The following SLC4A4 variants were observed in gnomAD, a reference collection of about 807,000 sequenced individuals.
SLC4A4 encodes electrogenic sodium bicarbonate cotransporter 1.
In SLC4A4, 27 loss-of-function variants were observed where a neutral mutation model predicts 111.5. That is an observed-to-expected ratio of 0.24 (90% confidence interval 0.18 to 0.33). SLC4A4 has a LOEUF of 0.33. Ranked by LOEUF, SLC4A4 falls within the 10% of genes least tolerant of loss-of-function variation. The pLI, the probability that SLC4A4 is intolerant of heterozygous loss-of-function variation, is 1.00. For synonymous variants in SLC4A4, 443 were observed against 463.4 expected, an observed-to-expected ratio of 0.96 and a Z score of 0.57; for missense variants, 909 against 1,315.5, an observed-to-expected ratio of 0.69 and a Z score of 4.78.
In SLC4A4 at chr4:71,089,746, G is replaced by A. The variant is rs187428186; in HGVS notation, c.-64-2984G>A. On this transcript the variant is annotated intron_variant, in intron 1 of 26. Transcript: ENST00000649996. ...GAAGAGCAAATGTTGCTGCCTGATC[G>A]TTCGTCTGGAAATTTTGTCTCAGAG... Among the ~76,000 whole-genome samples the A allele has an allele frequency of 3.9e-3, 591 of 152,000 alleles. 10 individuals carry two copies. The highest frequency in any genetic ancestry group is 0.013 in the African/African-American group (558 of 41,360).
intron 14 of SLC4A4, among the ~76,000 whole-genome samples, chr4:71,481,485 G>A (rs373106460): frequency 6.6e-6 from 1 of 151,776 alleles, no homozygotes; most frequent in East Asian, 2.0e-4. Flanking sequence ...ACACATGGAT[G>A]TCACCTCCTT....
At chr4:71,270,509 G>A (rs1722631919) in intron 3 of SLC4A4, among the ~76,000 whole-genome samples, 1 of 152,150 alleles carries the variant, frequency 6.6e-6, no homozygotes, top group South Asian at 2.1e-4. Context: ...GAAGGGGATG[G>A]GTTTTGGAAT....
intron 1 of SLC4A4, among the ~76,000 whole-genome samples, chr4:71,201,569 GT>G (rs1449015483): frequency 6.6e-6 from 1 of 152,120 alleles, no homozygotes; most frequent in Non-Finnish European, 1.5e-5. Flanking sequence ...AATTCCTAGA[GT>G]TTAAGTAAGT....
upstream of SLC4A4, among the ~76,000 whole-genome samples, chr4:71,185,929 A>G (rs1745435925): frequency 1.3e-5 from 2 of 152,208 alleles, no homozygotes; most frequent in South Asian, 4.1e-4. Context: ...ATGTCCACAT[A>G]CACATTACAT....
intron 1 of SLC4A4, among the ~76,000 whole-genome samples, chr4:71,070,484 A>G (rs752200342): frequency 3.9e-4 from 59 of 152,174 alleles, no homozygotes; most frequent in Non-Finnish European, 6.3e-4. Flanking sequence ...TTTATTGGCC[A>G]AAGTCAATGG....
chr4:71,376,694 G>C (rs1732435706), intron 6 of SLC4A4, among the ~76,000 whole-genome samples: 1 of 151,644 alleles, frequency 6.6e-6, no homozygotes, highest in African/African-American at 2.4e-5. Flanking sequence ...CTGGAGTGCA[G>C]TGGTGCGATC....
chr4:71,562,699 A>T (rs557996276), intron 23 of SLC4A4, among the ~76,000 whole-genome samples: 2 of 151,536 alleles, frequency 1.3e-5, no homozygotes, highest in Non-Finnish European at 2.9e-5. Context: ...TCTTGATTCT[A>T]TCCAATTTGC....
chr4:71,129,565 T>A (rs954498182), intron 2 of SLC4A4, among the ~76,000 whole-genome samples: 5 of 152,016 alleles, frequency 3.3e-5, no homozygotes, highest in Admixed American at 1.3e-4. Context: ...GGCAATTTCT[T>A]AAAGAACTCA....
At chr4:71,158,097 C>T (rs922986515) in intron 2 of SLC4A4, among the ~76,000 whole-genome samples, 4 of 137,078 alleles carry the variant, frequency 2.9e-5, no homozygotes, top group Non-Finnish European at 6.2e-5. Flanking sequence ...ATCCTTGACT[C>T]TGTGTGTGTG....
upstream of SLC4A4, among the ~76,000 whole-genome samples, chr4:71,186,058 G>T (rs1424343360): frequency 6.6e-6 from 1 of 152,210 alleles, no homozygotes; most frequent in Non-Finnish European, 1.5e-5. Flanking sequence ...TGTGCTGACA[G>T]TCTGTTCATA....
At chr4:71,511,579 A>T (rs778002234) in intron 16 of SLC4A4, among the ~76,000 whole-genome samples, 20 of 152,014 alleles carry the variant, frequency 1.3e-4, no homozygotes, top group Non-Finnish European at 2.2e-4. Context: ...TTATTGCACA[A>T]ATTTATGGGG....
chr4:71,366,821 G>A (rs1166924921), intron 6 of SLC4A4, among the ~76,000 whole-genome samples: 1 of 152,180 alleles, frequency 6.6e-6, no homozygotes, highest in Non-Finnish European at 1.5e-5. Flanking sequence ...AACATGAAAG[G>A]GTTACAGAGT....
chr4:71,536,346 C>T (rs1734418526), intron 18 of SLC4A4, among the ~76,000 whole-genome samples: 1 of 150,048 alleles, frequency 6.7e-6, no homozygotes, highest in African/African-American at 2.5e-5. Context: ...AGATGTTTTC[C>T]AGCCATTTTT....
In SLC4A4 at chr4:71,086,701, T is replaced by A. The variant is rs1410342644; in HGVS notation, c.-64-6029T>A. Among the ~76,000 whole-genome samples, 3 of 152,088 alleles carry A rather than the reference T, an allele frequency of 2.0e-5. No individual in the cohort carries two copies. In the East Asian group the frequency reaches 5.8e-4, roughly 29 times the overall value. ...TCTTTGGTTCTGTTTATATGCTGGA[T>A]TATGTTTATTGATTTGCATATGTTG... On this transcript the variant is annotated intron_variant, in intron 1 of 26. Transcript: ENST00000649996.
chr4:71,139,266 T>C (rs1467552999), intron 2 of SLC4A4, among the ~76,000 whole-genome samples: 1 of 151,478 alleles, frequency 6.6e-6, no homozygotes, highest in Admixed American at 6.6e-5. Flanking sequence ...CCATTGACTT[T>C]TGGTGTGAAT....
chr4:71,065,780 C>T (rs1741503232), intron 1 of SLC4A4, among the ~76,000 whole-genome samples: 1 of 152,060 alleles, frequency 6.6e-6, no homozygotes, highest in Admixed American at 6.5e-5. Context: ...TCTGAGGTAC[C>T]ATCCTAAGTC....
chr4:71,456,496 G>A (rs948471874), intron 12 of SLC4A4, among the ~76,000 whole-genome samples: 2 of 152,212 alleles, frequency 1.3e-5, no homozygotes, highest in East Asian at 1.9e-4. Flanking sequence ...GTACTTTACC[G>A]CACAAAATTT....
intron 3 of SLC4A4, among the ~76,000 whole-genome samples, chr4:71,302,798 T>C (rs1725376899): frequency 6.6e-6 from 1 of 152,174 alleles, no homozygotes; most frequent in Non-Finnish European, 1.5e-5. Context: ...AACTTGGCAA[T>C]CATATAGGAA....
intron 16 of SLC4A4, among the ~76,000 whole-genome samples, chr4:71,517,061 T>C (rs1732472531): frequency 6.6e-6 from 1 of 152,142 alleles, no homozygotes; most frequent in African/African-American, 2.4e-5. Flanking sequence ...AATTTCATTA[T>C]ATCTTGATAT....
Sources: gnomAD v4.1 joint callset for allele counts (sites outside exome capture counted in the v4.1 genomes callset) on GRCh38, gnomAD v4.1.1 for gene constraint, MANE v1.5 for transcripts, NCBI Gene and HGNC (gene_info 2026-07-23, HGNC 2026-07-21) for gene names.